The following TBL1XR1 variants were observed in gnomAD, a reference collection of about 807,000 sequenced individuals.
TBL1XR1 encodes TBL1X/Y related 1.
A neutral mutation model predicts 66.9 loss-of-function variants in TBL1XR1; 5 were observed. The ratio of observed to expected loss-of-function variants is 0.07; its 90% CI spans 0.04 to 0.16. The LOEUF is 0.16. Among genes scored for constraint, TBL1XR1 ranks in the 10% least tolerant of loss-of-function variants. The probability of loss-of-function intolerance (pLI) is 1.00; values close to 1 mark genes in which losing one functional copy is unlikely to be tolerated. For missense variants in TBL1XR1, 238 were observed against 623.2 expected (o/e 0.38, Z 6.58); for synonymous variants, 210 against 206.0 (o/e 1.02, Z -0.17).
chr3:177,184,703 A>G (rs984548406), intron 1 of TBL1XR1, among the ~76,000 whole-genome samples: 1 of 152,076 alleles, frequency 6.6e-6, no homozygotes. Flanking sequence ...CAGGAGGCTG[A>G]GACAGGAGAA....
chr3:177,154,337 A>T (rs934581540), intron 1 of TBL1XR1, among the ~76,000 whole-genome samples: 1 of 152,222 alleles, frequency 6.6e-6, no homozygotes, highest in Non-Finnish European at 1.5e-5. Flanking sequence ...AAGATAACAT[A>T]AAAATTCTAA....
rs985852616 is a variant in TBL1XR1 at position 177,068,872 on chromosome 3, C to A, written c.-45-3850G>T. Among the ~76,000 whole-genome samples, 5 of 152,292 alleles carry A rather than the reference C, an allele frequency of 3.3e-5. 1 individual carries two copies. The South Asian group carries it at 1.0e-3, about 32-fold the overall frequency. On this transcript the variant is annotated intron_variant, in intron 2 of 15. Coordinates refer to ENST00000457928, the MANE Select transcript of TBL1XR1 (RefSeq NM_024665.7). ...TAGCTATAGCACATTTTTAAGAGAT[C>A]TGGACACTCTTTGCATGATCTAAAG... is the stretch of plus-strand genomic sequence containing the variant.
intron 5 of TBL1XR1, 91 bp downstream of exon 5, chr3:177,051,413 T>C (rs1012318061): frequency 8.2e-7 from 1 of 1,215,730 alleles, no homozygotes; most frequent in South Asian, 1.6e-5. Flanking sequence ...TTCATCTATA[T>C]AACAAACCTG....
chr3:177,077,997 T>C, intron 2 of TBL1XR1, among the ~76,000 whole-genome samples: 1 of 152,208 alleles, frequency 6.6e-6, no homozygotes, highest in South Asian at 2.1e-4. Context: ...TGAAAGAGAA[T>C]AAAACCTAAT....
Position 177,020,465 on chromosome 3 carries a change from A to C in TBL1XR1, c.*5033T>G, listed in dbSNP as rs904996512. Reference sequence around the variant, plus strand: ...AATTTGTAATTTTATTATGGGCTTAAAGTATATATCTTGGGAAACAATACG... The same window carrying C: ...AATTTGTAATTTTATTATGGGCTTACAGTATATATCTTGGGAAACAATACG... On this transcript the variant is annotated 3_prime_UTR_variant, in exon 16 of 16. Transcript: ENST00000457928. 1 of 152,216 alleles carries C rather than the reference A, an allele frequency of 6.6e-6. No homozygotes were observed. The highest frequency in any genetic ancestry group is 1.5e-5 in the Non-Finnish European group (1 of 68,026). The allele number at this position is 152,216 out of a possible 1,614,324, so 9.4% of individuals were successfully genotyped here.
chr3:177,161,469 T>C lies in TBL1XR1; in HGVS notation c.-122+35652A>G, dbSNP rs569467419. Among the ~76,000 whole-genome samples the C allele has an allele frequency of 5.4e-4, 82 of 152,230 alleles. 1 individual carries two copies. The highest frequency in any genetic ancestry group is 1.8e-3 in the African/African-American group (75 of 41,534). ...TAAAAGATTCTGAACTCAGCACTAATAATGTCAAACCCTACATAAAAGGCA... is the reference window on the plus strand; with the variant it reads ...TAAAAGATTCTGAACTCAGCACTAACAATGTCAAACCCTACATAAAAGGCA... On this transcript the variant is annotated intron_variant, in intron 1 of 15. Coordinates refer to ENST00000457928, the MANE Select transcript of TBL1XR1 (RefSeq NM_024665.7).
At chr3:177,198,431 G>T (rs1018318295), upstream of TBL1XR1, among the ~76,000 whole-genome samples, 27 of 152,220 alleles carry the variant, frequency 1.8e-4, no homozygotes, top group Admixed American at 4.6e-4. Flanking sequence ...CACAGTAGAA[G>T]TTTATCCACT....
chr3:177,098,571 G>A (rs1723794709), intron 1 of TBL1XR1, 30 bp from the exon 2 acceptor site: 6 of 975,656 alleles, frequency 6.1e-6, no homozygotes, highest in Non-Finnish European at 7.3e-6. Flanking sequence ...AGTATTCAAT[G>A]TGCCCTAAAA....
intron 10 of TBL1XR1, among the ~76,000 whole-genome samples, chr3:177,042,479 G>A (rs946894138): frequency 1.6e-4 from 24 of 152,150 alleles, no homozygotes; most frequent in Non-Finnish European, 2.8e-4. Flanking sequence ...AGATTGTTGG[G>A]ATGTAGGAAA....
In TBL1XR1 at chr3:177,022,190, TA is replaced by T. The variant is rs1310772705; in HGVS notation, c.*3307del. The T allele has an allele frequency of 1.3e-5, 2 of 152,594 alleles. No homozygotes were observed. The highest frequency in any genetic ancestry group is 4.8e-5 in the African/African-American group (2 of 41,456). The allele number at this position is 152,594 out of a possible 1,614,324, so 9.5% of individuals were successfully genotyped here. On this transcript the variant is annotated 3_prime_UTR_variant, in exon 16 of 16. Coordinates refer to ENST00000457928, the MANE Select transcript of TBL1XR1 (RefSeq NM_024665.7). Reference sequence around the variant, plus strand: ...TTTGGCCTTTCTCTTGACATTTTCGTATGTCAAAAAGCAAAAAACCTTCATG... The same window carrying T: ...TTTGGCCTTTCTCTTGACATTTTCGTTGTCAAAAAGCAAAAAACCTTCATG...
At chr3:177,050,714 G>A in intron 5 of TBL1XR1, 104 bp from the exon 6 acceptor site, 2 of 1,259,050 alleles carry the variant, frequency 1.6e-6, no homozygotes, top group Non-Finnish European at 1.1e-6. Context: ...CGCACACAGT[G>A]TAACATTTTT....
At chr3:177,150,427 C>A (rs568876445) in intron 1 of TBL1XR1, among the ~76,000 whole-genome samples, 1 of 152,256 alleles carries the variant, frequency 6.6e-6, no homozygotes, top group South Asian at 2.1e-4. Flanking sequence ...GGATGGATGC[C>A]TTCATGCATG....
chr3:177,133,217 G>A (rs954431380), intron 1 of TBL1XR1, among the ~76,000 whole-genome samples: 1 of 152,196 alleles, frequency 6.6e-6, no homozygotes, highest in Non-Finnish European at 1.5e-5. Flanking sequence ...AACCTGGGAG[G>A]CAGAGGCTGC....
chr3:177,029,568 G>T (rs1011197777), intron 14 of TBL1XR1, among the ~76,000 whole-genome samples: 5 of 152,112 alleles, frequency 3.3e-5, no homozygotes, highest in Non-Finnish European at 7.3e-5. Flanking sequence ...GCTGCAGTAA[G>T]CCTTGATCTG....
At chr3:177,112,107 A>ATATATATTTTTTT in intron 1 of TBL1XR1, among the ~76,000 whole-genome samples, 4 of 37,648 alleles carry the variant, frequency 1.1e-4, no homozygotes, top group East Asian at 1.8e-3. Context: ...ATATATATAT[A>ATATATATTTTTTT]TTTTTTTTTT....
intron 1 of TBL1XR1, chr3:177,171,317 G>A (rs1260660974): frequency 6.6e-6 from 1 of 152,056 alleles, no homozygotes; most frequent in Non-Finnish European, 1.5e-5. Flanking sequence ...TACAGCCTGA[G>A]CAACAAGAGT....
chr3:177,055,560 T>TG (rs1300586850), intron 3 of TBL1XR1, among the ~76,000 whole-genome samples: 11 of 1,832 alleles, frequency 6.0e-3, no homozygotes, highest in Admixed American at 0.022. Flanking sequence ...GGGGCGGGGG[T>TG]GGGGGGGTGG....
At chr3:177,193,191 A>G (rs1397115764) in intron 1 of TBL1XR1, among the ~76,000 whole-genome samples, 3 of 152,040 alleles carry the variant, frequency 2.0e-5, no homozygotes, top group Non-Finnish European at 2.9e-5. Context: ...AAAATAAATA[A>G]AACGTATGAG....
chr3:177,194,245 T>TA (rs1736540423), intron 1 of TBL1XR1: 1 of 152,234 alleles, frequency 6.6e-6, no homozygotes, highest in African/African-American at 2.4e-5. Flanking sequence ...AGCCCTCCTC[T>TA]ACTACCAGAA....
Sources: allele counts gnomAD v4.1 joint callset (sites outside exome capture counted in the v4.1 genomes callset), GRCh38; gene constraint gnomAD v4.1.1; transcripts MANE v1.5; gene names NCBI Gene and HGNC (gene_info 2026-07-23, HGNC 2026-07-21).